ITPR2: variants seen among roughly 807,000 people sequenced by gnomAD.
ITPR2 encodes inositol 1,4,5-trisphosphate receptor type 2.
Under a neutral mutation model 317.1 loss-of-function variants are expected in ITPR2, and 207 were observed. That is an observed-to-expected ratio of 0.65 (90% CI 0.58 to 0.73). The LOEUF (loss-of-function observed/expected upper bound fraction) is 0.73. Among genes scored for constraint, ITPR2 ranks in the 30% least tolerant of loss-of-function variants. The pLI is 0.00. For synonymous variants in ITPR2, 1,156 were observed against 1,149.1 expected (o/e 1.01, Z -0.12); for missense variants, 2,613 against 3,284.0 (o/e 0.80, Z 4.99).
At chr12:26,808,941 A>G (rs1466077474) in intron 1 of ITPR2, among the ~76,000 whole-genome samples, 1 of 152,144 alleles carries the variant, frequency 6.6e-6, no homozygotes. Flanking sequence ...CCTTTTTCCT[A>G]TGAAAACAAA....
At chr12:26,615,761 A>G (rs1206922800) in intron 26 of ITPR2, among the ~76,000 whole-genome samples, 2 of 152,230 alleles carry the variant, frequency 1.3e-5, no homozygotes, top group African/African-American at 4.8e-5. Flanking sequence ...AAACACATGG[A>G]GTAAAAACTA....
chr12:26,770,349 C>T (rs979503273), intron 2 of ITPR2, among the ~76,000 whole-genome samples: 1 of 152,188 alleles, frequency 6.6e-6, no homozygotes, highest in African/African-American at 2.4e-5. Context: ...ACTACCCCCA[C>T]AAACTGGTCA....
chr12:26,389,468 C>A (rs1241597443), intron 54 of ITPR2, among the ~76,000 whole-genome samples: 2 of 150,810 alleles, frequency 1.3e-5, no homozygotes, highest in Non-Finnish European at 2.9e-5. Flanking sequence ...ACCTCCCATG[C>A]AACCACACTG....
At chr12:26,741,205 G>C (rs1949223791) in intron 2 of ITPR2, among the ~76,000 whole-genome samples, 1 of 152,268 alleles carries the variant, frequency 6.6e-6, no homozygotes, top group Non-Finnish European at 1.5e-5. Flanking sequence ...GATGCCAGCT[G>C]TCCCTGCGGC....
At chr12:26,445,098 G>A (rs1484435814) in intron 45 of ITPR2, among the ~76,000 whole-genome samples, 1 of 152,118 alleles carries the variant, frequency 6.6e-6, no homozygotes, top group Non-Finnish European at 1.5e-5. Flanking sequence ...GTTCTTGAAG[G>A]CAAAACTGGC....
chr12:26,800,599 T>A (rs567720324), intron 1 of ITPR2, among the ~76,000 whole-genome samples: 6 of 152,100 alleles, frequency 3.9e-5, no homozygotes, highest in East Asian at 1.9e-4. Flanking sequence ...CCTATCATTT[T>A]AAAAAATATG....
intron 34 of ITPR2, among the ~76,000 whole-genome samples, chr12:26,566,095 G>A (rs1448504288): frequency 2.2e-5 from 3 of 134,586 alleles, no homozygotes; most frequent in Admixed American, 7.3e-5. Flanking sequence ...AGATGGAGAG[G>A]AGAAGGTGAG....
At chr12:26,646,566 T>C (rs963759313) in intron 21 of ITPR2, among the ~76,000 whole-genome samples, 4 of 152,170 alleles carry the variant, frequency 2.6e-5, no homozygotes, top group African/African-American at 4.8e-5. Context: ...TGGACATAGA[T>C]AGATTCAAAG....
chr12:26,667,936 T>G (rs142203833), intron 13 of ITPR2, among the ~76,000 whole-genome samples: 1 of 152,156 alleles, frequency 6.6e-6, no homozygotes, highest in East Asian at 1.9e-4. Flanking sequence ...CAACCCTACA[T>G]GTAAAGCCCA....
intron 55 of ITPR2, among the ~76,000 whole-genome samples, chr12:26,370,327 T>G (rs539627367): frequency 6.6e-6 from 1 of 152,124 alleles, no homozygotes; most frequent in Non-Finnish European, 1.5e-5. Flanking sequence ...GCCCGGGAAT[T>G]ATACTGCAGT....
intron 26 of ITPR2, among the ~76,000 whole-genome samples, chr12:26,612,568 A>G (rs977224145): frequency 6.6e-6 from 1 of 152,138 alleles, no homozygotes; most frequent in African/African-American, 2.4e-5. Flanking sequence ...ACAGTTTCTC[A>G]TTTTTGTTCC....
At chr12:26,642,797 G>A (rs759776053) in intron 21 of ITPR2, among the ~76,000 whole-genome samples, 6 of 152,194 alleles carry the variant, frequency 3.9e-5, no homozygotes, top group Admixed American at 2.0e-4. Context: ...GACCCAAAAT[G>A]TTTCCAATCA....
At chr12:26,646,605 C>T (rs776488751) in intron 21 of ITPR2, among the ~76,000 whole-genome samples, 12 of 152,104 alleles carry the variant, frequency 7.9e-5, no homozygotes, top group South Asian at 2.1e-4. Context: ...CTCCTGTCTC[C>T]GCCCTACCCT....
At chr12:26,408,210 C>T (rs1940419504) in intron 52 of ITPR2, among the ~76,000 whole-genome samples, 1 of 152,176 alleles carries the variant, frequency 6.6e-6, no homozygotes, top group Admixed American at 6.5e-5. Flanking sequence ...CAACAGCTAG[C>T]ATGGTGACTG....
intron 55 of ITPR2, among the ~76,000 whole-genome samples, chr12:26,358,615 G>A (rs779370754): frequency 1.2e-4 from 18 of 151,992 alleles, no homozygotes; most frequent in Non-Finnish European, 2.4e-4. Context: ...CCATTTCCTT[G>A]TCAGGAGTGA....
chr12:26,720,900 GCTAATTTAAAAACT>G (rs1223837875), intron 5 of ITPR2, among the ~76,000 whole-genome samples: 1 of 152,130 alleles, frequency 6.6e-6, no homozygotes, highest in Non-Finnish European at 1.5e-5. Flanking sequence ...ATAATCCACG[GCTAATTTAAAAACT>G]CCAATTCATT....
At position 26,768,809 on chromosome 12, in the gene ITPR2, G is replaced by A. The variant is rs181691892; in HGVS notation, c.163+21348C>T. On this transcript the variant is annotated intron_variant, in intron 2 of 56. Coordinates refer to ENST00000381340, the MANE Select transcript of ITPR2 (RefSeq NM_002223.4). ...GCAGCCTGTCTAAATAGAACCAGAAGGACAAATGTCCACAGCCCTATTTCT... is the reference window on the plus strand; with the variant it reads ...GCAGCCTGTCTAAATAGAACCAGAAAGACAAATGTCCACAGCCCTATTTCT... Among the ~76,000 whole-genome samples the A allele has an allele frequency of 7.2e-5, 11 of 152,186 alleles. No homozygotes were observed. The East Asian group carries it at 2.1e-3, about 29-fold the overall frequency.
rs57271500 is a variant in ITPR2, at chr12:26,503,190, A to AACAC, written c.5074-7934_5074-7931dup. 2.9e-3 allele frequency among the ~76,000 whole-genome samples: 408 copies of AACAC among 139,206 alleles called. 2 individuals carry two copies. Among genetic ancestry groups the AACAC allele is most frequent in the African/African-American group, 0.01 (378 of 37,236 alleles). The allele number at this position is 139,206 out of a possible 152,430, so 91.3% of individuals were successfully genotyped here. On this transcript the variant is annotated intron_variant, in intron 37 of 56. Transcript: ENST00000381340. ...GGTAGAAGACCCACTGCCCCCCACC[A>AACAC]ACACACACACACACACACACACACA...
At chr12:26,682,254 C>T (rs755857861) in intron 12 of ITPR2, among the ~76,000 whole-genome samples, 1 of 152,170 alleles carries the variant, frequency 6.6e-6, no homozygotes, top group Admixed American at 6.5e-5. Flanking sequence ...AAACTTCTCC[C>T]TTTCACACTT....
Sources: allele counts gnomAD v4.1 joint callset (sites outside exome capture counted in the v4.1 genomes callset), GRCh38; gene constraint gnomAD v4.1.1; transcripts MANE v1.5; gene names NCBI Gene and HGNC (gene_info 2026-07-23, HGNC 2026-07-21).